The following KCNT2 variants were observed in gnomAD, a reference collection of about 807,000 sequenced individuals.
The protein encoded by KCNT2 is potassium channel subfamily T member 2.
A neutral mutation model predicts 153.8 loss-of-function variants in KCNT2; 67 were observed. That is an observed-to-expected ratio of 0.44 (90% CI 0.36 to 0.53). KCNT2 has a LOEUF of 0.53. Ranked by LOEUF, KCNT2 falls within the 20% of genes least tolerant of loss-of-function variation. KCNT2 has a pLI of 0.00. For synonymous variants in KCNT2, 500 were observed against 458.8 expected (o/e 1.09, Z -1.15); for missense variants, 975 against 1,354.8 (o/e 0.72, Z 4.40).
At chr1:196,476,803 G>A (rs1678572252) in intron 5 of KCNT2, among the ~76,000 whole-genome samples, 1 of 151,640 alleles carries the variant, frequency 6.6e-6, no homozygotes, top group Non-Finnish European at 1.5e-5. Flanking sequence ...TTATCATGAA[G>A]CAGTCATCCT....
chr1:196,418,118 T>C (rs1672898786), intron 12 of KCNT2, among the ~76,000 whole-genome samples: 2 of 152,094 alleles, frequency 1.3e-5, no homozygotes, highest in South Asian at 4.1e-4. Context: ...CTTTTGACAT[T>C]TGTTAGTTTT....
chr1:196,490,792 T>A (rs1022066710), intron 2 of KCNT2, among the ~76,000 whole-genome samples: 21 of 151,842 alleles, frequency 1.4e-4, no homozygotes, highest in Non-Finnish European at 7.4e-5. Flanking sequence ...GAGCATTATC[T>A]TTCCTGTAAT....
chr1:196,342,345 C>T lies in KCNT2; in HGVS notation c.1404-117G>A, dbSNP rs1572103334. ...TGTGTAAGAACTGGCAAGCACAATC[C>T]AAAGGAGCATCTGAGTAATGCTTTG... On this transcript the variant is annotated intron_variant, in intron 14 of 27. Coordinates refer to ENST00000294725, the MANE Select transcript of KCNT2 (RefSeq NM_198503.5). 22 of 736,456 alleles carry T rather than the reference C, an allele frequency of 3.0e-5. 1 individual carries two copies. The East Asian group carries it at 6.4e-4, about 22-fold the overall frequency. The allele number at this position is 736,456 out of a possible 1,614,324, so 45.6% of individuals were successfully genotyped here.
chr1:196,324,089 G>C (rs1001409077), intron 19 of KCNT2, among the ~76,000 whole-genome samples: 1 of 151,698 alleles, frequency 6.6e-6, no homozygotes, highest in African/African-American at 2.4e-5. Flanking sequence ...CAATACTTTC[G>C]GGAAGTACAC....
intron 8 of KCNT2, among the ~76,000 whole-genome samples, chr1:196,449,841 A>C (rs1310796606): frequency 6.6e-6 from 1 of 151,736 alleles, no homozygotes; most frequent in South Asian, 2.1e-4. Context: ...GAAGAATTTT[A>C]AAAGAAAAAT....
chr1:196,366,468 C>T (rs553217060), intron 14 of KCNT2, among the ~76,000 whole-genome samples: 1 of 152,176 alleles, frequency 6.6e-6, no homozygotes, highest in South Asian at 2.1e-4. Flanking sequence ...TTTTGCTTGT[C>T]TTCTTGATGT....
chr1:196,576,460 T>C (rs948814420), intron 1 of KCNT2, among the ~76,000 whole-genome samples: 3 of 152,150 alleles, frequency 2.0e-5, no homozygotes, highest in Admixed American at 6.6e-5. Flanking sequence ...GGGAATACCA[T>C]AGCATACTTC....
intron 25 of KCNT2, among the ~76,000 whole-genome samples, chr1:196,268,092 T>C (rs1657718898): frequency 6.6e-6 from 1 of 152,162 alleles, no homozygotes; most frequent in Admixed American, 6.6e-5. Flanking sequence ...AGGGAATCAT[T>C]TGAGCACTAG....
At chr1:196,379,219 T>G (rs1316379984) in intron 13 of KCNT2, among the ~76,000 whole-genome samples, 1 of 152,136 alleles carries the variant, frequency 6.6e-6, no homozygotes, top group Non-Finnish European at 1.5e-5. Flanking sequence ...AATCTGTCAT[T>G]TTTTTTCCTT....
At chr1:196,555,969 A>T (rs1008608058) in intron 1 of KCNT2, among the ~76,000 whole-genome samples, 1 of 151,358 alleles carries the variant, frequency 6.6e-6, no homozygotes, top group Non-Finnish European at 1.5e-5. Flanking sequence ...TTGAAATTTG[A>T]CCCCTATATC....
intron 1 of KCNT2, among the ~76,000 whole-genome samples, chr1:196,567,455 G>A (rs532491657): frequency 8.9e-4 from 135 of 152,030 alleles, no homozygotes; most frequent in Non-Finnish European, 1.7e-3. Flanking sequence ...CATAAATCTC[G>A]GATCTTCTAT....
At chr1:196,607,130 G>C (rs1010912841) in intron 1 of KCNT2, among the ~76,000 whole-genome samples, 2 of 152,094 alleles carry the variant, frequency 1.3e-5, no homozygotes, top group African/African-American at 2.4e-5. Flanking sequence ...ATTGGGAGCT[G>C]AAAAGGTGAA....
intron 1 of KCNT2, among the ~76,000 whole-genome samples, chr1:196,522,952 C>T (rs1653656292): frequency 6.6e-6 from 1 of 152,178 alleles, no homozygotes; most frequent in Admixed American, 6.5e-5. Context: ...TAAAAGCTGG[C>T]CACCCAAGCC....
intron 1 of KCNT2, among the ~76,000 whole-genome samples, chr1:196,571,706 G>A (rs1572863770): frequency 6.6e-6 from 1 of 152,006 alleles, no homozygotes; most frequent in East Asian, 1.9e-4. Context: ...TAGGGCTTCT[G>A]AGATCTATGT....
At chr1:196,334,774 G>T (rs1471616595) in intron 16 of KCNT2, among the ~76,000 whole-genome samples, 1 of 152,064 alleles carries the variant, frequency 6.6e-6, no homozygotes. Context: ...CCTGTATGTA[G>T]CAAGTAGACA....
intron 26 of KCNT2, among the ~76,000 whole-genome samples, chr1:196,244,663 G>A (rs564975645): frequency 3.1e-4 from 47 of 152,242 alleles, no homozygotes; most frequent in Admixed American, 1.1e-3. Context: ...TGTGGTTTTG[G>A]TGCCAGGCCA....
chr1:196,418,641 C>T (rs1672944898), intron 12 of KCNT2, among the ~76,000 whole-genome samples: 1 of 152,050 alleles, frequency 6.6e-6, no homozygotes, highest in African/African-American at 2.4e-5. Flanking sequence ...TATGCACACC[C>T]ACCCCTGGTA....
chr1:196,286,692 G>A (rs181551266), intron 22 of KCNT2, among the ~76,000 whole-genome samples: 3 of 151,574 alleles, frequency 2.0e-5, no homozygotes, highest in East Asian at 3.9e-4. Context: ...GAATGCTTAC[G>A]AGTTGGGGGG....
At chr1:196,309,517 T>C (rs1048792779) in intron 21 of KCNT2, among the ~76,000 whole-genome samples, 2 of 151,882 alleles carry the variant, frequency 1.3e-5, no homozygotes, top group African/African-American at 2.4e-5. Flanking sequence ...CCCATTTCTG[T>C]TCTACATAAA....
Sources: gnomAD v4.1 joint callset for allele counts (sites outside exome capture counted in the v4.1 genomes callset) on GRCh38, gnomAD v4.1.1 for gene constraint, MANE v1.5 for transcripts, NCBI Gene and HGNC (gene_info 2026-07-23, HGNC 2026-07-21) for gene names.